Variants in CLSTN1 observed in about 807,000 individuals in gnomAD.
CLSTN1 encodes calsyntenin 1.
In CLSTN1, 28 loss-of-function variants were observed where a neutral mutation model predicts 108.3. The observed-to-expected ratio is 0.26, with a 90% CI of 0.19 to 0.35. CLSTN1 has a LOEUF of 0.35. CLSTN1 is among the 10% of genes least tolerant of loss of function. The pLI is 1.00. For synonymous variants in CLSTN1, 524 were observed against 534.9 expected, an observed-to-expected ratio of 0.98 and a Z score of 0.28; for missense variants, 1,157 against 1,302.6, an observed-to-expected ratio of 0.89 and a Z score of 1.72.
intron 2 of CLSTN1, among the ~76,000 whole-genome samples, chr1:9,757,814 C>T (rs1051980762): frequency 3.9e-5 from 6 of 152,130 alleles, no homozygotes; most frequent in African/African-American, 1.2e-4. Flanking sequence ...TCAGGAATTT[C>T]GCTGCCCCTC....
At chr1:9,802,901 T>C (rs142156447) in intron 1 of CLSTN1, among the ~76,000 whole-genome samples, 24 of 149,060 alleles carry the variant, frequency 1.6e-4, no homozygotes, top group African/African-American at 5.6e-4. Flanking sequence ...CAGGGCTCAC[T>C]GCAGCCTCAA....
In CLSTN1 at chr1:9,730,565, G is replaced by A; in HGVS notation, c.2889C>T (p.Pro963=). The stretch of plus-strand genomic sequence containing the variant: ...GCTGCTGCTGCCGGGTTGCGTTCTG[G>A]GGGTCGCCCTGCTCCCCCTCCTCCT... The part of the protein sequence containing the change: ...SEEEEGEQGD[P]QNATRQQQLE... Residue 963 remains proline, a synonymous_variant, in exon 19 of 19, where the codon CCC becomes CCT. Transcript: ENST00000377298. The surrounding 1 kb of genome is among the most constrained non-coding windows in gnomAD (Gnocchi z 5.6). 1 of 1,608,662 alleles carries A rather than the reference G, an allele frequency of 6.2e-7. No individual in the cohort carries two copies. Among genetic ancestry groups the A allele is most frequent in the Non-Finnish European group, 8.5e-7 (1 of 1,179,956 alleles).
At position 9,751,458 on chromosome 1, in the gene CLSTN1, C is replaced by T. The variant is rs200411041; in HGVS notation, c.649+15G>A. 2 of 1,613,366 alleles carry T rather than the reference C, an allele frequency of 1.2e-6. No individual in the cohort carries two copies. The highest frequency in any genetic ancestry group is 1.3e-5 in the African/African-American group (1 of 74,906). On this transcript the variant is annotated intron_variant, in intron 5 of 18. Coordinates refer to ENST00000377298, the MANE Select transcript of CLSTN1 (RefSeq NM_001009566.3). ...ACTGTCTACCTAGCTGAAAAGCCGG[C>T]TCCTCGATTCTTACCATCTTTGTCA...
chr1:9,745,527 C>T (rs1196962927), intron 7 of CLSTN1, among the ~76,000 whole-genome samples: 1 of 151,740 alleles, frequency 6.6e-6, no homozygotes, highest in Non-Finnish European at 1.5e-5. Flanking sequence ...TGTGGTGGTG[C>T]ATCCCTGTAG....
At chr1:9,794,098 T>C (rs1653884969) in intron 1 of CLSTN1, among the ~76,000 whole-genome samples, 1 of 151,390 alleles carries the variant, frequency 6.6e-6, no homozygotes. Flanking sequence ...CACTCACACT[T>C]TGTAAAGAAC....
Position 9,759,297 on chromosome 1 carries a change from T to C in CLSTN1, c.215-2787A>G, listed in dbSNP as rs560091598. On this transcript the variant is annotated intron_variant, in intron 2 of 18. Coordinates refer to ENST00000377298, the MANE Select transcript of CLSTN1 (RefSeq NM_001009566.3). ...TTCTTTTTGTTTGTTTGTTTTGAGATGGAGTCCTTGCTCTGTTGCCCAGGC... is the reference window on the plus strand; with the variant it reads ...TTCTTTTTGTTTGTTTGTTTTGAGACGGAGTCCTTGCTCTGTTGCCCAGGC... Among the ~76,000 whole-genome samples the C allele has an allele frequency of 2.6e-5, 4 of 152,340 alleles. No homozygotes were observed. The South Asian group carries it at 8.3e-4, about 32-fold the overall frequency.
chr1:9,781,427 G>A (rs1297371193), intron 1 of CLSTN1, among the ~76,000 whole-genome samples: 6 of 151,770 alleles, frequency 4.0e-5, no homozygotes, highest in Non-Finnish European at 2.9e-5. Flanking sequence ...TATCAGATGT[G>A]TTTACATCAC....
At chr1:9,806,121 C>G (rs1040531228) in intron 1 of CLSTN1, among the ~76,000 whole-genome samples, 2 of 151,706 alleles carry the variant, frequency 1.3e-5, no homozygotes, top group African/African-American at 2.4e-5. Context: ...CAAATCCTGT[C>G]TCTACTAAAA....
chr1:9,791,829 C>T (rs916833773), intron 1 of CLSTN1, among the ~76,000 whole-genome samples: 14 of 151,352 alleles, frequency 9.2e-5, no homozygotes, highest in African/African-American at 3.4e-4. Context: ...CCACCACATG[C>T]GGCCCCAAAT....
intron 1 of CLSTN1, among the ~76,000 whole-genome samples, chr1:9,794,060 G>T (rs139261273): frequency 1.8e-4 from 28 of 151,522 alleles, no homozygotes; most frequent in African/African-American, 6.3e-4. Flanking sequence ...ATTGGAGGGG[G>T]ATGCTAATGA....
At chr1:9,809,784 C>A (rs1654651812) in intron 1 of CLSTN1, among the ~76,000 whole-genome samples, 1 of 151,370 alleles carries the variant, frequency 6.6e-6, no homozygotes, top group African/African-American at 2.4e-5. Flanking sequence ...GCCTATAATC[C>A]CAGCTACTCG....
Position 9,730,699 on chromosome 1 carries a change from C to T in CLSTN1, c.2755G>A (p.Glu919Lys), listed in dbSNP as rs780195994. 1 of 1,602,916 alleles carries T rather than the reference C, an allele frequency of 6.2e-7. No individual in the cohort carries two copies. Among genetic ancestry groups the T allele is most frequent in the Non-Finnish European group, 8.5e-7 (1 of 1,177,154 alleles). ...TCCTCCTCACTGCTGTGCTGGTCCT[C>T]ATAGGTCTGGCAAGGAGAAGTGACG... ...TITVNPMETY[E>K]DQHSSEEEEE... The change falls in exon 19 of 19, where the codon GAG (glutamate) becomes AAG (lysine). Residue 919 changes from glutamate to lysine, a missense_variant. By Grantham distance (56) the Glu-to-Lys change is moderately conservative. Coordinates refer to ENST00000377298, the MANE Select transcript of CLSTN1 (RefSeq NM_001009566.3). The surrounding 1 kb of genome is among the most constrained non-coding windows in gnomAD (Gnocchi z 5.6).
chr1:9,732,901 G>T (rs1650483621), intron 16 of CLSTN1, among the ~76,000 whole-genome samples: 1 of 152,218 alleles, frequency 6.6e-6, no homozygotes, highest in African/African-American at 2.4e-5. Context: ...TTCTAAAACA[G>T]TGTCTTTGGC....
intron 1 of CLSTN1, among the ~76,000 whole-genome samples, chr1:9,808,340 G>GTGCA (rs546779894): frequency 9.0e-4 from 137 of 152,350 alleles, no homozygotes; most frequent in Admixed American, 1.4e-3. Flanking sequence ...GTGAACGCAT[G>GTGCA]TGCATGCATG....
At chr1:9,803,982 A>G (rs1370663189) in intron 1 of CLSTN1, among the ~76,000 whole-genome samples, 2 of 152,186 alleles carry the variant, frequency 1.3e-5, no homozygotes, top group Admixed American at 6.5e-5. Context: ...TAATATGGTG[A>G]AAGGATACAC....
At chr1:9,785,914 G>A (rs1452834608) in intron 1 of CLSTN1, among the ~76,000 whole-genome samples, 1 of 152,020 alleles carries the variant, frequency 6.6e-6, no homozygotes, top group East Asian at 1.9e-4. Context: ...GGTAGGTCAT[G>A]CCTGTAATCC....
intron 2 of CLSTN1, among the ~76,000 whole-genome samples, chr1:9,762,866 C>T (rs893444074): frequency 5.3e-5 from 8 of 152,204 alleles, no homozygotes; most frequent in African/African-American, 9.7e-5. Flanking sequence ...CTGTCCCTGA[C>T]GTTGGGTGAC....
At chr1:9,797,549 G>C (rs1263224587) in intron 1 of CLSTN1, among the ~76,000 whole-genome samples, 1 of 152,154 alleles carries the variant, frequency 6.6e-6, no homozygotes, top group Non-Finnish European at 1.5e-5. Context: ...GCTCAGGCGG[G>C]AGGATCATGT....
intron 5 of CLSTN1, chr1:9,750,128 C>G: frequency 2.0e-6 from 1 of 504,304 alleles, no homozygotes; most frequent in Non-Finnish European, 3.5e-6. Flanking sequence ...AGAGACGGAG[C>G]TACACAGCTC....
Sources: allele counts gnomAD v4.1 joint callset (sites outside exome capture counted in the v4.1 genomes callset), GRCh38; gene constraint gnomAD v4.1.1; non-coding constraint Gnocchi (gnomAD v3.1); transcripts MANE v1.5; gene names NCBI Gene and HGNC (gene_info 2026-07-23, HGNC 2026-07-21).